The following SLC25A33 variants were observed in gnomAD, a reference collection of about 807,000 sequenced individuals.
SLC25A33 encodes solute carrier family 25 member 33, also known as bone marrow stromal cell mitochondrial carrier protein.
In SLC25A33, 15 loss-of-function variants were observed where a neutral mutation model predicts 35.5. The observed-to-expected ratio is 0.42, with a 90% CI of 0.28 to 0.65. The LOEUF is 0.65. Ranked by LOEUF, SLC25A33 falls within the 30% of genes least tolerant of loss-of-function variation. The pLI is 0.20. For synonymous variants in SLC25A33, 136 were observed against 148.7 expected (o/e 0.91, Z 0.62); for missense variants, 257 against 398.5 (o/e 0.64, Z 3.02).
At chr1:9,550,165 T>A (rs1643246411) in intron 1 of SLC25A33, among the ~76,000 whole-genome samples, 1 of 149,814 alleles carries the variant, frequency 6.7e-6, no homozygotes, top group Admixed American at 6.7e-5. Context: ...CATGCCTGAC[T>A]AATTTGTTTT....
At chr1:9,566,557 C>T (rs1008836882) in intron 2 of SLC25A33, among the ~76,000 whole-genome samples, 1 of 152,116 alleles carries the variant, frequency 6.6e-6, no homozygotes, top group African/African-American at 2.4e-5. Context: ...CAGCTTCCTC[C>T]TGTGTTGGGC....
At chr1:9,581,714 A>G (rs1358625850) in intron 6 of SLC25A33, among the ~76,000 whole-genome samples, 2 of 148,282 alleles carry the variant, frequency 1.3e-5, no homozygotes, top group Admixed American at 6.8e-5. Flanking sequence ...TGAGTAATAG[A>G]GTGAGACTCT....
intron 2 of SLC25A33, among the ~76,000 whole-genome samples, chr1:9,566,135 G>A (rs1313656383): frequency 1.3e-5 from 2 of 151,982 alleles, no homozygotes; most frequent in African/African-American, 4.8e-5. Flanking sequence ...GACCTCCCAG[G>A]CTAAGTGATC....
At chr1:9,541,724 A>G (rs1434698769) in intron 1 of SLC25A33, among the ~76,000 whole-genome samples, 1 of 150,620 alleles carries the variant, frequency 6.6e-6, no homozygotes, top group African/African-American at 2.4e-5. Flanking sequence ...TAAGCCAAGA[A>G]GGATCATTTA....
At chr1:9,575,358 T>A (rs2100409616) in intron 5 of SLC25A33, among the ~76,000 whole-genome samples, 1 of 152,086 alleles carries the variant, frequency 6.6e-6, no homozygotes, top group Non-Finnish European at 1.5e-5. Context: ...GGCTCATGCC[T>A]GTAATCCCAG....
intron 1 of SLC25A33, among the ~76,000 whole-genome samples, chr1:9,541,301 C>A (rs796673883): frequency 6.6e-6 from 1 of 152,138 alleles, no homozygotes; most frequent in Non-Finnish European, 1.5e-5. Flanking sequence ...CTACAGGCAC[C>A]CGCCACTACG....
At chr1:9,561,401 C>T (rs952864689) in intron 2 of SLC25A33, among the ~76,000 whole-genome samples, 1 of 152,086 alleles carries the variant, frequency 6.6e-6, no homozygotes, top group African/African-American at 2.4e-5. Flanking sequence ...GAATAAAATG[C>T]TCCAAACAAG....
Position 9,579,939 on chromosome 1 carries a change from G to T in SLC25A33, c.483-15G>T. The stretch of plus-strand genomic sequence containing the variant: ...TATGTCTCCTTAACAGCCTGTGTTG[G>T]TCTCTTTTATGCAGAGTGAGGGGCT... On this transcript the variant is annotated splice_polypyrimidine_tract_variant and intron_variant, in intron 5 of 6. Coordinates refer to ENST00000302692, the MANE Select transcript of SLC25A33 (RefSeq NM_032315.3). 6.2e-7 allele frequency: 1 copy of T among 1,603,776 alleles called. No individual in the cohort carries two copies. Among genetic ancestry groups the T allele is most frequent in the Non-Finnish European group, 8.5e-7 (1 of 1,175,636 alleles).
At chr1:9,562,530 C>T (rs1195824407) in intron 2 of SLC25A33, among the ~76,000 whole-genome samples, 1 of 151,988 alleles carries the variant, frequency 6.6e-6, no homozygotes, top group African/African-American at 2.4e-5. Flanking sequence ...AATAAGACTA[C>T]TGTCTCTGCA....
chr1:9,563,883 C>T (rs1197569179), intron 2 of SLC25A33, among the ~76,000 whole-genome samples: 1 of 151,750 alleles, frequency 6.6e-6, no homozygotes, highest in Non-Finnish European at 1.5e-5. Flanking sequence ...GGTCTTGAAC[C>T]CCTGACCTCA....
rs1308217007 is a variant in SLC25A33, at chr1:9,553,319, G to C, written c.57-307G>C. Among the ~76,000 whole-genome samples, 3 of 145,080 alleles carry C rather than the reference G, an allele frequency of 2.1e-5. No homozygotes were observed. In the Admixed American group the frequency reaches 2.1e-4, roughly 10 times the overall value. The stretch of plus-strand genomic sequence containing the variant: ...GGCTCACTGCAGCCTCTGCCTCCTG[G>C]GTTCACGCCATTCTCCTGCCTCAGC... On this transcript the variant is annotated intron_variant, in intron 1 of 6. Coordinates refer to ENST00000302692, the MANE Select transcript of SLC25A33 (RefSeq NM_032315.3).
Position 9,582,466 on chromosome 1 carries a change from T to G in SLC25A33, c.931T>G (p.Leu311Val), listed in dbSNP as rs763367812. ...TGCCATTGTGTTGTCTACTTATGAG[T>G]TAATTGTGTACCTGTTAGAAGACCG... The part of the protein sequence containing the change: ...NTAIVLSTYE[L>V]IVYLLEDRTQ Residue 311 changes from leucine to valine, a missense_variant, in exon 7 of 7, where the codon TTA becomes GTA. Physicochemically the swap from Leu to Val is conservative, Grantham distance 32. Transcript: ENST00000302692. The surrounding 1 kb of genome is among the most constrained non-coding windows in gnomAD (Gnocchi z 4.0). 8.1e-6 allele frequency: 13 copies of G among 1,613,840 alleles called. No homozygotes were observed. The highest frequency in any genetic ancestry group is 1.1e-5 in the Non-Finnish European group (13 of 1,179,810).
chr1:9,562,952 T>C (rs1206829482), intron 2 of SLC25A33, among the ~76,000 whole-genome samples: 10 of 143,934 alleles, frequency 6.9e-5, no homozygotes, highest in African/African-American at 2.1e-4. Context: ...AGAATCTCGC[T>C]CTGTCACCCA....
intron 5 of SLC25A33, among the ~76,000 whole-genome samples, chr1:9,574,327 G>A (rs1369787353): frequency 6.6e-6 from 1 of 152,098 alleles, no homozygotes; most frequent in Non-Finnish European, 1.5e-5. Flanking sequence ...CTGGGCTCAA[G>A]CAGTCCTCCT....
At position 9,570,189 on chromosome 1, in the gene SLC25A33, G is replaced by C. The variant is rs181075987; in HGVS notation, c.315-69G>C. On this transcript the variant is annotated intron_variant, in intron 3 of 6. Coordinates refer to ENST00000302692, the MANE Select transcript of SLC25A33 (RefSeq NM_032315.3). ...CATTTTATTTTCCGAAAATTTTTCA[G>C]GTGTTCTGGAGGGACGTATAAAGTT... The C allele has an allele frequency of 3.7e-5, 51 of 1,378,592 alleles. No individual in the cohort carries two copies. The East Asian group carries it at 9.3e-4, about 25-fold the overall frequency. 85.4% of individuals were successfully genotyped at this position (1,378,592 alleles called of 1,614,324 possible).
intron 3 of SLC25A33, among the ~76,000 whole-genome samples, chr1:9,568,494 C>A (rs571035871): frequency 2.0e-5 from 3 of 152,146 alleles, no homozygotes; most frequent in Admixed American, 6.5e-5. Flanking sequence ...AAAGGACCTC[C>A]TGAGAAGGGA....
intron 6 of SLC25A33, among the ~76,000 whole-genome samples, chr1:9,581,527 G>A (rs900060754): frequency 1.3e-5 from 2 of 152,010 alleles, no homozygotes; most frequent in South Asian, 2.1e-4. Flanking sequence ...TTAGGAGTTC[G>A]AAACCAGGCT....
chr1:9,539,779 A>C (rs1471235829), intron 1 of SLC25A33, 32 bp downstream of exon 1: 4 of 1,343,708 alleles, frequency 3.0e-6, no homozygotes, highest in Non-Finnish European at 3.8e-6. Flanking sequence ...CGCGCGCCCC[A>C]CCGCCTGCGG....
In SLC25A33 at chr1:9,582,505, G is replaced by T. The variant is rs188152435; in HGVS notation, c.*4G>T. ...GTTAGAAGACCGTACTCAGTAACAG[G>T]CCGGAAAATTGTGCTCTAGAAGAAT... On this transcript the variant is annotated 3_prime_UTR_variant, in exon 7 of 7. Coordinates refer to ENST00000302692, the MANE Select transcript of SLC25A33 (RefSeq NM_032315.3). The surrounding 1 kb of genome is among the most constrained non-coding windows in gnomAD (Gnocchi z 4.0). The T allele has an allele frequency of 9.8e-5, 157 of 1,607,854 alleles. 1 individual carries two copies. The South Asian group carries it at 1.0e-3, about 11-fold the overall frequency.
Sources: gnomAD v4.1 joint callset for allele counts (sites outside exome capture counted in the v4.1 genomes callset) on GRCh38, gnomAD v4.1.1 for gene constraint, Gnocchi (gnomAD v3.1) non-coding constraint, MANE v1.5 for transcripts, NCBI Gene and HGNC (gene_info 2026-07-23, HGNC 2026-07-21) for gene names.